The following ULK4 variants were observed in gnomAD, a reference collection of about 807,000 sequenced individuals.
ULK4 encodes inactive serine/threonine-protein kinase ULK4.
A neutral mutation model predicts 160.6 loss-of-function variants in ULK4; 133 were observed. The ratio of observed to expected loss-of-function variants is 0.83; its 90% CI spans 0.72 to 0.96. The LOEUF (loss-of-function observed/expected upper bound fraction) is 0.96, where lower values mean the gene tolerates loss of function less well. Ranked by LOEUF, ULK4 falls within the 40% of genes least tolerant of loss-of-function variation. ULK4 has a pLI of 0.00. For missense variants in ULK4, 1,580 were observed against 1,499.5 expected (o/e 1.05, Z -0.89); for synonymous variants, 534 against 539.8 (o/e 0.99, Z 0.15).
chr3:41,388,404 T>G (rs2081873976), intron 35 of ULK4, among the ~76,000 whole-genome samples: 1 of 152,016 alleles, frequency 6.6e-6, no homozygotes, highest in African/African-American at 2.4e-5. Flanking sequence ...CAATTTTGGC[T>G]TTGGTTGCCA....
intron 2 of ULK4, among the ~76,000 whole-genome samples, chr3:41,949,136 G>A (rs565003164): frequency 4.6e-5 from 7 of 151,626 alleles, no homozygotes; most frequent in South Asian, 4.2e-4. Context: ...GTGAAACCCC[G>A]TCTCTACTAA....
chr3:41,252,501 T>A (rs1485040692), intron 35 of ULK4, among the ~76,000 whole-genome samples: 2 of 150,698 alleles, frequency 1.3e-5, no homozygotes, highest in Non-Finnish European at 2.9e-5. Flanking sequence ...AAATTTAAAG[T>A]CATCACTGGA....
chr3:41,587,045 A>AGC (rs1306195616), intron 31 of ULK4, among the ~76,000 whole-genome samples: 6 of 152,186 alleles, frequency 3.9e-5, no homozygotes, highest in African/African-American at 1.4e-4. Flanking sequence ...TCAAAGTGTC[A>AGC]GCTAGGCAGC....
intron 17 of ULK4, among the ~76,000 whole-genome samples, chr3:41,878,893 T>A (rs1246419150): frequency 1.4e-5 from 2 of 140,756 alleles, no homozygotes; most frequent in African/African-American, 5.0e-5. Context: ...AATTCCTATT[T>A]CCCCAAGCCA....
At chr3:41,942,197 C>G (rs894524968) in intron 2 of ULK4, among the ~76,000 whole-genome samples, 1 of 152,120 alleles carries the variant, frequency 6.6e-6, no homozygotes, top group Non-Finnish European at 1.5e-5. Flanking sequence ...CTGAAGACTT[C>G]ATACCAAAAA....
At chr3:41,735,687 T>TTTTTTATTA (rs1553641851) in intron 22 of ULK4, among the ~76,000 whole-genome samples, 2 of 144,494 alleles carry the variant, frequency 1.4e-5, no homozygotes, top group South Asian at 2.2e-4. Flanking sequence ...CTAAGTCCAT[T>TTTTTTATTA]TTATTATTAT....
At chr3:41,249,430 A>G (rs2078703095) in intron 36 of ULK4, 59 bp downstream of exon 36, 1 of 1,495,108 alleles carries the variant, frequency 6.7e-7, no homozygotes, top group Admixed American at 1.8e-5. Context: ...GGAGAAAGGA[A>G]TGGCTGAGAG....
At chr3:41,781,555 T>C (rs996571743) in intron 21 of ULK4, among the ~76,000 whole-genome samples, 2 of 152,184 alleles carry the variant, frequency 1.3e-5, no homozygotes, top group Non-Finnish European at 2.9e-5. Flanking sequence ...TATAAGGTAA[T>C]TACAAAATGA....
At chr3:41,511,756 A>G (rs534176561) in intron 32 of ULK4, among the ~76,000 whole-genome samples, 1 of 152,292 alleles carries the variant, frequency 6.6e-6, no homozygotes, top group East Asian at 1.9e-4. Flanking sequence ...ATTCCATAGA[A>G]TAAAGAGGAA....
At chr3:41,354,861 C>T (rs1033129118) in intron 35 of ULK4, among the ~76,000 whole-genome samples, 7 of 152,138 alleles carry the variant, frequency 4.6e-5, no homozygotes, top group Admixed American at 6.5e-5. Flanking sequence ...AACACTTGAC[C>T]TCTGTTTTAT....
chr3:41,342,543 C>T (rs1397389199), intron 35 of ULK4, among the ~76,000 whole-genome samples: 1 of 151,982 alleles, frequency 6.6e-6, no homozygotes, highest in African/African-American at 2.4e-5. Context: ...AGCCTACCAA[C>T]CAAAAAAAGC....
chr3:41,484,792 G>A (rs9835914), intron 32 of ULK4, among the ~76,000 whole-genome samples: 58,485 of 151,832 alleles, frequency 0.39, 11,468 homozygotes, highest in Non-Finnish European at 0.42. Flanking sequence ...CTCATTTGAA[G>A]ATGGAGAACG....
intron 27 of ULK4, among the ~76,000 whole-genome samples, chr3:41,699,630 C>A (rs142111628): frequency 6.6e-6 from 1 of 152,174 alleles, no homozygotes; most frequent in Non-Finnish European, 1.5e-5. Context: ...ATTAAGAGCT[C>A]GTGCTCAGCA....
chr3:41,777,884 TG>T (rs2039688673), intron 21 of ULK4, among the ~76,000 whole-genome samples: 1 of 143,516 alleles, frequency 7.0e-6, no homozygotes, highest in Admixed American at 7.0e-5. Flanking sequence ...TCATACTGAA[TG>T]GGCAAAAACT....
intron 35 of ULK4, among the ~76,000 whole-genome samples, chr3:41,317,062 TA>T (rs150795099): frequency 1.6e-5 from 2 of 122,978 alleles, no homozygotes; most frequent in South Asian, 2.6e-4. Context: ...CAATTACATC[TA>T]TTTTTTTTTT....
intron 32 of ULK4, among the ~76,000 whole-genome samples, chr3:41,470,482 A>G (rs1575268392): frequency 6.6e-6 from 1 of 152,218 alleles, no homozygotes; most frequent in African/African-American, 2.4e-5. Context: ...AAGAGAGTTA[A>G]GTTAAACAAA....
intron 30 of ULK4, among the ~76,000 whole-genome samples, chr3:41,647,041 C>T (rs2034527782): frequency 1.3e-5 from 2 of 152,344 alleles, no homozygotes; most frequent in South Asian, 4.1e-4. Flanking sequence ...CTTTCAGCTC[C>T]ATCAGCTCCT....
chr3:41,808,731 T>C (rs2040727169), intron 19 of ULK4, among the ~76,000 whole-genome samples: 1 of 152,220 alleles, frequency 6.6e-6, no homozygotes, highest in South Asian at 2.1e-4. Flanking sequence ...GCCAATATAA[T>C]TTTGGTCTAC....
chr3:41,562,224 G>C (rs1388321156), intron 32 of ULK4, among the ~76,000 whole-genome samples: 4 of 152,206 alleles, frequency 2.6e-5, no homozygotes, highest in Non-Finnish European at 4.4e-5. Context: ...TGGTCTGAGA[G>C]ACAGTTTACT....
Sources: allele counts gnomAD v4.1 joint callset (sites outside exome capture counted in the v4.1 genomes callset), GRCh38; gene constraint gnomAD v4.1.1; transcripts MANE v1.5; gene names NCBI Gene and HGNC (gene_info 2026-07-23, HGNC 2026-07-21).